Variants in MOGAT1 observed in about 807,000 individuals in gnomAD.
MOGAT1 encodes monoacylglycerol O-acyltransferase 1.
MOGAT1 carries 32 observed loss-of-function variants against 31.4 expected under a neutral mutation model. That is an observed-to-expected ratio of 1.02 (90% CI 0.77 to 1.37). MOGAT1 has a LOEUF of 1.37. Ranked by LOEUF, MOGAT1 falls within the 40% of genes most tolerant of loss-of-function variation. The pLI, the probability that MOGAT1 is intolerant of heterozygous loss-of-function variation, is 0.00. For missense variants in MOGAT1, 426 were observed against 402.0 expected (o/e 1.06, Z -0.51); for synonymous variants, 145 against 144.5 (o/e 1.00, Z -0.03).
intron 1 of MOGAT1, among the ~76,000 whole-genome samples, chr2:222,685,077 T>C (rs1692642009): frequency 6.6e-6 from 1 of 152,118 alleles, no homozygotes; most frequent in Admixed American, 6.5e-5. Flanking sequence ...GAAATAATTG[T>C]GATAAAATAC....
At chr2:222,687,776 T>A (rs2106036346) in intron 1 of MOGAT1, among the ~76,000 whole-genome samples, 1 of 152,324 alleles carries the variant, frequency 6.6e-6, no homozygotes, top group African/African-American at 2.4e-5. Context: ...TGTGCCCTCT[T>A]TGTGGGCACA....
intron 1 of MOGAT1, among the ~76,000 whole-genome samples, chr2:222,674,948 G>A (rs1215904516): frequency 2.6e-5 from 4 of 152,194 alleles, no homozygotes; most frequent in Non-Finnish European, 5.9e-5. Context: ...CGGGATTACA[G>A]GCGCTAGCCA....
At chr2:222,690,281 G>A (rs757000807) in intron 3 of MOGAT1, among the ~76,000 whole-genome samples, 8 of 152,068 alleles carry the variant, frequency 5.3e-5, no homozygotes, top group South Asian at 2.1e-4. Context: ...AAAAAGAGAC[G>A]AGGGCAGTGA....
At chr2:222,696,987 C>T (rs11681959) in intron 5 of MOGAT1, among the ~76,000 whole-genome samples, 19,397 of 152,088 alleles carry the variant, frequency 0.13, 1,337 homozygotes, top group African/African-American at 0.15. Flanking sequence ...TTGGAGTGAG[C>T]TATGATTGTG....
chr2:222,696,453 C>A (rs1692837018), intron 5 of MOGAT1, among the ~76,000 whole-genome samples: 1 of 152,112 alleles, frequency 6.6e-6, no homozygotes, highest in Non-Finnish European at 1.5e-5. Flanking sequence ...TTGATTATGG[C>A]CATTTTTGCA....
intron 1 of MOGAT1, among the ~76,000 whole-genome samples, chr2:222,684,198 G>A (rs1396012633): frequency 6.6e-6 from 1 of 152,114 alleles, no homozygotes; most frequent in Non-Finnish European, 1.5e-5. Flanking sequence ...GAGGTCAGGA[G>A]TTCAAGACCA....
chr2:222,675,215 C>G (rs1415327088), intron 1 of MOGAT1, among the ~76,000 whole-genome samples: 1 of 152,184 alleles, frequency 6.6e-6, no homozygotes, highest in Non-Finnish European at 1.5e-5. Context: ...GAAGTTAGAG[C>G]TAAATGCTTG....
chr2:222,704,813 T>C (rs1692981054), intron 5 of MOGAT1, among the ~76,000 whole-genome samples: 1 of 152,126 alleles, frequency 6.6e-6, no homozygotes, highest in South Asian at 2.1e-4. Context: ...AGCTTATAAT[T>C]CATCAGGTCT....
intron 1 of MOGAT1, among the ~76,000 whole-genome samples, chr2:222,685,154 C>T (rs1040200311): frequency 6.6e-6 from 1 of 152,042 alleles, no homozygotes; most frequent in African/African-American, 2.4e-5. Flanking sequence ...GGAAAAAAGG[C>T]CAAAAGGAAA....
chr2:222,683,062 G>T (rs140246688), intron 1 of MOGAT1, among the ~76,000 whole-genome samples: 14 of 152,156 alleles, frequency 9.2e-5, no homozygotes, highest in African/African-American at 3.1e-4. Flanking sequence ...AAATTAGCCA[G>T]GTATCATGGT....
chr2:222,675,855 CAGGAA>C (rs1194534081), intron 1 of MOGAT1, among the ~76,000 whole-genome samples: 1 of 151,958 alleles, frequency 6.6e-6, no homozygotes, highest in African/African-American at 2.4e-5. Flanking sequence ...TCAATTCTTA[CAGGAA>C]ATAAAGGATA....
At chr2:222,681,612 C>G (rs1357056187) in intron 1 of MOGAT1, among the ~76,000 whole-genome samples, 1 of 152,114 alleles carries the variant, frequency 6.6e-6, no homozygotes, top group African/African-American at 2.4e-5. Flanking sequence ...CATGATCAGT[C>G]ACTAACTCAA....
intron 3 of MOGAT1, among the ~76,000 whole-genome samples, chr2:222,690,353 A>G (rs1692738239): frequency 6.6e-6 from 1 of 152,136 alleles, no homozygotes; most frequent in Non-Finnish European, 1.5e-5. Flanking sequence ...TGAGGTCAGG[A>G]GTTCGAGACC....
chr2:222,673,331 C>CAAAAAAAG (rs1692449587), intron 1 of MOGAT1, among the ~76,000 whole-genome samples: 1 of 102,238 alleles, frequency 9.8e-6, no homozygotes, highest in Non-Finnish European at 1.8e-5. Context: ...TAGAATTTAC[C>CAAAAAAAG]AAAAAAAAAA....
intron 5 of MOGAT1, chr2:222,699,268 CT>C (rs1452252520): frequency 2.0e-5 from 3 of 152,350 alleles, no homozygotes; most frequent in Non-Finnish European, 1.5e-5. Context: ...TCCCAAAGTA[CT>C]GGGATTACAG....
intron 5 of MOGAT1, among the ~76,000 whole-genome samples, 166 bp from the exon 6 acceptor site, chr2:222,709,570 G>A (rs778656745): frequency 1.3e-5 from 2 of 152,220 alleles, no homozygotes; most frequent in Non-Finnish European, 2.9e-5. Flanking sequence ...TTATCAGATG[G>A]AGTGGTGTGA....
chr2:222,671,900 G>T (rs1043953500), intron 1 of MOGAT1, 21 bp downstream of exon 1: 1 of 1,542,874 alleles, frequency 6.5e-7, no homozygotes, highest in Non-Finnish European at 8.8e-7. Flanking sequence ...CGCCCCCCGG[G>T]CCGCGGGGCT....
At chr2:222,702,854 A>G (rs1354699473) in intron 5 of MOGAT1, among the ~76,000 whole-genome samples, 2 of 151,884 alleles carry the variant, frequency 1.3e-5, no homozygotes, top group African/African-American at 4.8e-5. Context: ...ACAAACAAAC[A>G]AACAAAAAAC....
chr2:222,684,766 G>A (rs191071883), intron 1 of MOGAT1, among the ~76,000 whole-genome samples: 2,324 of 152,004 alleles, frequency 0.015, 58 homozygotes, highest in African/African-American at 0.053. Context: ...TAGTAGAGAC[G>A]GGGTTTCACC....
Sources: gnomAD v4.1 joint callset for allele counts (sites outside exome capture counted in the v4.1 genomes callset) on GRCh38, gnomAD v4.1.1 for gene constraint, MANE v1.5 for transcripts, NCBI Gene and HGNC (gene_info 2026-07-23, HGNC 2026-07-21) for gene names.